The following MPPED1 variants were observed in gnomAD, a reference collection of about 807,000 sequenced individuals.
The protein encoded by MPPED1 is metallophosphoesterase domain-containing protein 1.
MPPED1 carries 16 observed loss-of-function variants against 36.2 expected under a neutral mutation model. The observed-to-expected ratio is 0.44, with a 90% confidence interval of 0.30 to 0.67. The LOEUF (loss-of-function observed/expected upper bound fraction) is 0.67. Among genes scored for constraint, MPPED1 ranks in the 30% least tolerant of loss-of-function variants. The pLI, the probability that MPPED1 is intolerant of heterozygous loss-of-function variation, is 0.10. For synonymous variants in MPPED1, 199 were observed against 191.3 expected, an observed-to-expected ratio of 1.04 and a Z score of -0.33; for missense variants, 307 against 453.4, an observed-to-expected ratio of 0.68 and a Z score of 2.93.
At chr22:43,459,847 A>G (rs1324745865) in intron 3 of MPPED1, among the ~76,000 whole-genome samples, 2 of 152,082 alleles carry the variant, frequency 1.3e-5, no homozygotes, top group Non-Finnish European at 2.9e-5. Flanking sequence ...ATTTCTATTG[A>G]CTGCTCTTTC....
chr22:43,481,323 C>A (rs987865388), intron 4 of MPPED1, among the ~76,000 whole-genome samples: 14 of 152,176 alleles, frequency 9.2e-5, no homozygotes, highest in Non-Finnish European at 2.1e-4. Context: ...CACGTGGGGT[C>A]TGTGTCTGGC....
At chr22:43,423,770 T>C (rs1929359579) in intron 1 of MPPED1, among the ~76,000 whole-genome samples, 1 of 152,176 alleles carries the variant, frequency 6.6e-6, no homozygotes, top group Non-Finnish European at 1.5e-5. Flanking sequence ...GCGATATGAG[T>C]GTCCAGGAAT....
In MPPED1 at chr22:43,420,983, G is replaced by C. The variant is rs572475353; in HGVS notation, c.-78-3925G>C. 2.0e-5 allele frequency among the ~76,000 whole-genome samples: 3 copies of C among 152,182 alleles called. 1 individual carries two copies. The highest frequency in any genetic ancestry group is 7.2e-5 in the African/African-American group (3 of 41,510). ...TCATTCCATCCATCCATCCTCCCCC[G>C]TAGTTCCATTTTGGGGAGGCATCTG... On this transcript the variant is annotated intron_variant, in intron 1 of 6. Transcript: ENST00000443721.
At chr22:43,431,225 T>G (rs1929676187) in intron 2 of MPPED1, among the ~76,000 whole-genome samples, 1 of 151,806 alleles carries the variant, frequency 6.6e-6, no homozygotes, top group Non-Finnish European at 1.5e-5. Flanking sequence ...ATATTTTTAG[T>G]AGAGACGACG....
intron 2 of MPPED1, 46 bp downstream of exon 2, chr22:43,425,255 TG>T: frequency 1.1e-6 from 1 of 882,062 alleles, no homozygotes; most frequent in Non-Finnish European, 1.7e-6. Context: ...GACGGCCCCC[TG>T]GGGTGGGTGC....
chr22:43,461,872 A>G (rs897858991), intron 3 of MPPED1, among the ~76,000 whole-genome samples: 1 of 152,170 alleles, frequency 6.6e-6, no homozygotes, highest in African/African-American at 2.4e-5. Flanking sequence ...TCATCTGCCA[A>G]ATATTAATAA....
At chr22:43,436,284 C>T (rs941612823) in intron 3 of MPPED1, among the ~76,000 whole-genome samples, 4 of 152,310 alleles carry the variant, frequency 2.6e-5, no homozygotes, top group South Asian at 2.1e-4. Flanking sequence ...GGTGCGGGGC[C>T]GCTCACCTTC....
At chr22:43,478,211 G>A (rs983375512) in intron 4 of MPPED1, among the ~76,000 whole-genome samples, 4 of 152,350 alleles carry the variant, frequency 2.6e-5, no homozygotes, top group South Asian at 4.1e-4. Context: ...AACGTATCCC[G>A]TGTGGCAGGC....
intron 4 of MPPED1, among the ~76,000 whole-genome samples, chr22:43,482,366 G>A (rs79265892): frequency 0.1 from 15,148 of 152,140 alleles, 985 homozygotes; most frequent in African/African-American, 0.18. Flanking sequence ...GTCTGCGCTC[G>A]GATCCTGATT....
intron 3 of MPPED1, among the ~76,000 whole-genome samples, chr22:43,447,115 G>A (rs1238165622): frequency 1.3e-5 from 2 of 152,170 alleles, no homozygotes; most frequent in Non-Finnish European, 2.9e-5. Flanking sequence ...TGTATGCCAA[G>A]CGTGCAGTCT....
chr22:43,477,714 G>A (rs886931297), intron 4 of MPPED1, among the ~76,000 whole-genome samples: 5 of 152,200 alleles, frequency 3.3e-5, no homozygotes, highest in African/African-American at 1.2e-4. Flanking sequence ...TGGACTTCAC[G>A]ATGTACAGGG....
At chr22:43,486,389 G>A (rs981114051) in intron 4 of MPPED1, among the ~76,000 whole-genome samples, 2 of 152,158 alleles carry the variant, frequency 1.3e-5, no homozygotes, top group African/African-American at 4.8e-5. Context: ...GTATTGGGGT[G>A]GGAAGAACAA....
At chr22:43,437,911 C>G (rs1342620274) in intron 3 of MPPED1, among the ~76,000 whole-genome samples, 1 of 152,170 alleles carries the variant, frequency 6.6e-6, no homozygotes, top group African/African-American at 2.4e-5. Flanking sequence ...AGTGGAACAA[C>G]ACATGTGTTA....
intron 3 of MPPED1, among the ~76,000 whole-genome samples, chr22:43,471,053 G>A (rs1462995890): frequency 2.6e-5 from 4 of 152,260 alleles, no homozygotes; most frequent in African/African-American, 9.6e-5. Context: ...AAAAGCCTCA[G>A]TCATCAGCTG....
intron 6 of MPPED1, among the ~76,000 whole-genome samples, chr22:43,504,768 G>A (rs1441604942): frequency 2.0e-5 from 3 of 151,894 alleles, no homozygotes; most frequent in Non-Finnish European, 4.4e-5. Context: ...TGGTAGTGAT[G>A]ATGATGGCAT....
rs2146884995 is a variant in MPPED1 at position 43,474,871 on chromosome 22, A to G, written c.542A>G (p.Tyr181Cys). The change falls in exon 4 of 7, where the codon TAT (tyrosine) becomes TGT (cysteine). Residue 181 changes from tyrosine (Y) to cysteine (C), a missense_variant. Around this residue, in one of 3 missense-constraint regions of MPPED1, gnomAD observed 132 missense variants for 212.3 expected, o/e 0.62. Transcript: ENST00000443721. The surrounding 1 kb of genome is among the most constrained non-coding windows in gnomAD (Gnocchi z 5.2). ...GTGTCGAAGCTGAAGCCGGAGAACT[A>G]TGAGAATGTGCAGTCGCTGCTGACC... is the stretch of plus-strand genomic sequence containing the variant. ...PSVSKLKPENYENVQSLLTNC... is the reference protein window; with the variant it reads ...PSVSKLKPENCENVQSLLTNC... 1 of 1,614,010 alleles carries G rather than the reference A, an allele frequency of 6.2e-7. No homozygotes were observed. The highest frequency in any genetic ancestry group is 8.5e-7 in the Non-Finnish European group (1 of 1,179,890).
intron 2 of MPPED1, among the ~76,000 whole-genome samples, chr22:43,432,178 G>A (rs921187925): frequency 2.0e-5 from 3 of 150,732 alleles, no homozygotes; most frequent in Non-Finnish European, 4.4e-5. Context: ...GTCACCTTAT[G>A]ACATCTTCAA....
intron 3 of MPPED1, among the ~76,000 whole-genome samples, chr22:43,472,122 C>G (rs1019967754): frequency 1.4e-4 from 21 of 152,222 alleles, no homozygotes; most frequent in Non-Finnish European, 8.8e-5. Context: ...GACACAGACA[C>G]TCAGCACTTC....
rs542429367 is a variant in MPPED1, at chr22:43,498,460, G to C, written c.748+110G>C. On this transcript the variant is annotated intron_variant, in intron 5 of 6. Coordinates refer to ENST00000443721, the MANE Select transcript of MPPED1 (RefSeq NM_001044370.2). ...TAGGGGAGCCCTGGAGGGGTTCTGAGTCCCACTTGCTGGGGCACTGAGGAC... is the reference window on the plus strand; with the variant it reads ...TAGGGGAGCCCTGGAGGGGTTCTGACTCCCACTTGCTGGGGCACTGAGGAC... 7 of 763,904 alleles carry C rather than the reference G, an allele frequency of 9.2e-6. No individual in the cohort carries two copies. In the East Asian group the frequency reaches 2.0e-4, roughly 22 times the overall value. The allele number at this position is 763,904 out of a possible 1,614,324, so 47.3% of individuals were successfully genotyped here.
Sources: gnomAD v4.1 joint callset for allele counts (sites outside exome capture counted in the v4.1 genomes callset) on GRCh38, gnomAD v4.1.1 for gene constraint, gnomAD v4.1.1 regional missense constraint, Gnocchi (gnomAD v3.1) non-coding constraint, MANE v1.5 for transcripts, NCBI Gene and HGNC (gene_info 2026-07-23, HGNC 2026-07-21) for gene names.